The following HPS3 variants were observed in gnomAD, a reference collection of about 807,000 sequenced individuals.
The protein encoded by HPS3 is HPS3 biogenesis of lysosomal organelles complex 2 subunit 1.
Under a neutral mutation model 110.9 loss-of-function variants are expected in HPS3, and 79 were observed. The observed-to-expected ratio is 0.71, with a 90% CI of 0.59 to 0.86. The LOEUF is 0.86. HPS3 is among the 40% of genes least tolerant of loss of function. HPS3 has a pLI of 0.00. For synonymous variants in HPS3, 428 were observed against 451.0 expected, an observed-to-expected ratio of 0.95 and a Z score of 0.65; for missense variants, 1,197 against 1,206.2, an observed-to-expected ratio of 0.99 and a Z score of 0.11.
Position 149,141,025 on chromosome 3 carries a change from A to C in HPS3, c.721A>C (p.Asn241His). The stretch of plus-strand genomic sequence containing the variant: ...CATTTTATTTTTTTAAGGCATCAGT[A>C]ATGAAATTTCACAGCTTGAGTCAGA... ...RIRRTEEGISNEISQLESDDF... is the reference protein window; with the variant it reads ...RIRRTEEGISHEISQLESDDF... Residue 241 changes from asparagine to histidine, a missense_variant, in exon 3 of 17, where the codon AAT (asparagine) becomes CAT (histidine). Transcript: ENST00000296051. The C allele has an allele frequency of 6.2e-7, 1 of 1,613,872 alleles. No homozygotes were observed. Among genetic ancestry groups the C allele is most frequent in the Non-Finnish European group, 8.5e-7 (1 of 1,179,834 alleles).
intron 1 of HPS3, among the ~76,000 whole-genome samples, chr3:149,130,634 G>A (rs911221824): frequency 1.7e-4 from 26 of 152,252 alleles, no homozygotes; most frequent in African/African-American, 5.8e-4. Context: ...ACAAAAATTA[G>A]CCGGACGTGG....
intron 10 of HPS3, 52 bp from the exon 11 acceptor site, chr3:149,159,994 T>G (rs1723687353): frequency 5.2e-6 from 7 of 1,344,126 alleles, no homozygotes; most frequent in South Asian, 1.2e-5. Flanking sequence ...TTTGTTGCTT[T>G]CTTCTGGCTG....
intron 4 of HPS3, among the ~76,000 whole-genome samples, chr3:149,142,007 C>T (rs547392136): frequency 5.3e-5 from 8 of 151,952 alleles, no homozygotes; most frequent in South Asian, 2.1e-4. Context: ...TGCCCCACCA[C>T]GCCCAGCTAA....
chr3:149,148,683 G>T (rs911109524), intron 5 of HPS3, among the ~76,000 whole-genome samples: 1 of 151,920 alleles, frequency 6.6e-6, no homozygotes, highest in African/African-American at 2.4e-5. Flanking sequence ...GGGATTACAG[G>T]CATGAGCCAC....
intron 1 of HPS3, among the ~76,000 whole-genome samples, chr3:149,132,914 A>G (rs760731411): frequency 6.6e-6 from 1 of 152,226 alleles, no homozygotes; most frequent in Non-Finnish European, 1.5e-5. Context: ...GGATGAAATA[A>G]CAGTAGATGT....
intron 4 of HPS3, 115 bp from the exon 5 acceptor site, chr3:149,145,239 T>G (rs1161296106): frequency 1.3e-6 from 1 of 770,320 alleles, no homozygotes; most frequent in Non-Finnish European, 2.3e-6. Flanking sequence ...AACTTCCCCT[T>G]TGCAACTCTT....
intron 16 of HPS3, among the ~76,000 whole-genome samples, chr3:149,171,725 G>A (rs1576717392): frequency 8.6e-6 from 1 of 116,514 alleles, no homozygotes; most frequent in East Asian, 2.6e-4. Context: ...TTTGTCCTGA[G>A]ATGGAGTCTT....
chr3:149,157,534 G>A lies in HPS3; in HGVS notation c.1691+3G>A. On this transcript the variant is annotated splice_donor_region_variant and intron_variant, in intron 9 of 16. Transcript: ENST00000296051. ...CACCTTGGGGACTGTTACAGCAGGT[G>A]GGTGACACCTCTTGGAACCTTGTTA... The A allele has an allele frequency of 6.2e-7, 1 of 1,613,362 alleles. No homozygotes were observed. Among genetic ancestry groups the A allele is most frequent in the Non-Finnish European group, 8.5e-7 (1 of 1,179,472 alleles).
Position 149,160,213 on chromosome 3 carries a change from G to A in HPS3, c.2040G>A (p.Lys680=). 6.2e-7 allele frequency: 1 copy of A among 1,613,922 alleles called. No homozygotes were observed. The highest frequency in any genetic ancestry group is 8.5e-7 in the Non-Finnish European group (1 of 1,179,886). The part of the protein sequence containing the change: ...GFSSILVTLT[K]AAVALKMGDL... The stretch of plus-strand genomic sequence containing the variant: ...CATCGATCTTAGTGACATTGACCAA[G>A]GCAGCAGTGGCTCTGAAAATGGGAG... The change falls in exon 11 of 17, where the codon AAG becomes AAA. Residue 680 remains lysine (K), a synonymous_variant. Transcript: ENST00000296051.
intron 8 of HPS3, 70 bp downstream of exon 8, chr3:149,155,285 CT>C (rs1331961052): frequency 2.1e-6 from 2 of 938,100 alleles, no homozygotes; most frequent in African/African-American, 3.3e-5. Flanking sequence ...GAAATTGATT[CT>C]AATTATCATA....
rs1484776662 is a variant in HPS3, at chr3:149,145,443, C to T, written c.1060C>T (p.Leu354Phe). The change falls in exon 5 of 17, where the codon CTC becomes TTC. Residue 354 changes from leucine (L) to phenylalanine (F), a missense_variant. Leu to Phe is a conservative substitution (Grantham distance 22, BLOSUM62 0). Transcript: ENST00000296051. ...CFFSLPHVGY[L>F]YMVVKSVELM... ...TTTCTCCTTACCTCATGTGGGCTAT[C>T]TCTACATGGTTGTCAAATCTGTTGA... 1 of 1,613,526 alleles carries T rather than the reference C, an allele frequency of 6.2e-7. No individual in the cohort carries two copies. The highest frequency in any genetic ancestry group is 8.5e-7 in the Non-Finnish European group (1 of 1,179,458).
In HPS3 at chr3:149,136,068, CAA is replaced by C. The variant is rs538819217; in HGVS notation, c.218-3935_218-3934del. Among the ~76,000 whole-genome samples, 463 of 151,968 alleles carry C rather than the reference CAA, an allele frequency of 3.0e-3. 2 individuals carry two copies. Among genetic ancestry groups the C allele is most frequent in the African/African-American group, 0.011 (439 of 41,450 alleles). ...TTTTAAAAATCAGTAACTCTAAGCTCAAGAGTAAAAATGAGAATGATTTTTCA... is the reference window on the plus strand; with the variant it reads ...TTTTAAAAATCAGTAACTCTAAGCTCGAGTAAAAATGAGAATGATTTTTCA... On this transcript the variant is annotated intron_variant, in intron 1 of 16. Coordinates refer to ENST00000296051, the MANE Select transcript of HPS3 (RefSeq NM_032383.5).
chr3:149,163,879 G>A lies in HPS3; in HGVS notation c.2519G>A (p.Trp840Ter), dbSNP rs1216442323. The stretch of plus-strand genomic sequence containing the variant: ...AGTCATTATGGCTTAATTTATCCAT[G>A]GGTTCACGTCGTAATATCATCTGAT... ...ACSHYGLIYP[W>*]VHVVISSDSL... Residue 840 changes from tryptophan (W) to a stop codon, truncating the protein, a stop_gained, in exon 14 of 17, where the codon TGG becomes TAG. Coordinates refer to ENST00000296051, the MANE Select transcript of HPS3 (RefSeq NM_032383.5). LOFTEE classifies it high-confidence loss of function. 6.3e-7 allele frequency: 1 copy of A among 1,584,968 alleles called. No individual in the cohort carries two copies. The highest frequency in any genetic ancestry group is 2.2e-5 in the East Asian group (1 of 44,616).
intron 1 of HPS3, among the ~76,000 whole-genome samples, chr3:149,137,820 A>G (rs1022425043): frequency 6.6e-6 from 1 of 152,140 alleles, no homozygotes; most frequent in Non-Finnish European, 1.5e-5. Flanking sequence ...AGAGGGAGGA[A>G]TAGGGAATTA....
intron 5 of HPS3, among the ~76,000 whole-genome samples, chr3:149,146,340 T>G (rs1316314637): frequency 1.3e-5 from 2 of 152,128 alleles, no homozygotes; most frequent in Non-Finnish European, 2.9e-5. Context: ...TCTTAAGACC[T>G]CATGAAAGTG....
intron 1 of HPS3, among the ~76,000 whole-genome samples, chr3:149,135,312 C>T (rs1003025886): frequency 3.3e-5 from 5 of 152,180 alleles, no homozygotes; most frequent in Admixed American, 2.6e-4. Flanking sequence ...TTGGCTGTGT[C>T]CTCAGCTAAA....
Position 149,172,194 on chromosome 3 carries a change from A to G in HPS3, c.2987A>G (p.Tyr996Cys), listed in dbSNP as rs1209961720. Residue 996 changes from tyrosine (Y) to cysteine (C), a missense_variant, in exon 17 of 17, where the codon TAT (tyrosine) becomes TGT (cysteine). Coordinates refer to ENST00000296051, the MANE Select transcript of HPS3 (RefSeq NM_032383.5). The part of the protein sequence containing the change: ...TATFFLPYLL[Y>C]CSRKKPLT ...ACATTTTTCTTGCCATATCTTCTCT[A>G]TTGCAGTCGAAAGAAACCATTGACT... 5 of 1,613,446 alleles carry G rather than the reference A, an allele frequency of 3.1e-6. No individual in the cohort carries two copies. Among genetic ancestry groups the G allele is most frequent in the Non-Finnish European group, 4.2e-6 (5 of 1,179,608 alleles).
chr3:149,159,143 G>A (rs1056219798), intron 10 of HPS3, among the ~76,000 whole-genome samples: 16 of 152,224 alleles, frequency 1.1e-4, no homozygotes, highest in African/African-American at 2.2e-4. Context: ...CACAGAATGC[G>A]GGCCTTGCCT....
At chr3:149,144,105 G>A (rs544419689) in intron 4 of HPS3, among the ~76,000 whole-genome samples, 125 of 152,062 alleles carry the variant, frequency 8.2e-4, no homozygotes, top group African/African-American at 2.9e-3. Flanking sequence ...TGCCGGGTGC[G>A]GTGGTTCACG....
Sources: allele counts gnomAD v4.1 joint callset (sites outside exome capture counted in the v4.1 genomes callset), GRCh38; gene constraint gnomAD v4.1.1; transcripts MANE v1.5; gene names NCBI Gene and HGNC (gene_info 2026-07-23, HGNC 2026-07-21).